The following GNG7 variants were observed in gnomAD, a reference collection of about 807,000 sequenced individuals.
The protein encoded by GNG7 is guanine nucleotide-binding protein G(I)/G(S)/G(O) subunit gamma-7.
Under a neutral mutation model 4.0 loss-of-function variants are expected in GNG7, and 1 was observed. That is an observed-to-expected ratio of 0.25 (90% confidence interval 0.09 to 1.18). The LOEUF (loss-of-function observed/expected upper bound fraction) is 1.18. GNG7 is among the 50% of genes most tolerant of loss of function. The pLI, the probability that GNG7 is intolerant of heterozygous loss-of-function variation, is 0.50. For synonymous variants in GNG7, 34 were observed against 36.9 expected (o/e 0.92, Z 0.29); for missense variants, 86 against 91.9 (o/e 0.94, Z 0.26).
At chr19:2,567,437 T>C (rs1332638283) in intron 2 of GNG7, among the ~76,000 whole-genome samples, 1 of 151,588 alleles carries the variant, frequency 6.6e-6, no homozygotes, top group African/African-American at 2.4e-5. Context: ...GCGACCTCCC[T>C]GCCTCAGCCT....
rs1250581952 is a variant in GNG7 at position 2,633,487 on chromosome 19, G to GCGCACACA, written c.-78+12736_-78+12737insTGTGTGCG. Among the ~76,000 whole-genome samples, 178 of 103,784 alleles carry GCGCACACA rather than the reference G, an allele frequency of 1.7e-3. 2 individuals carry two copies. Among genetic ancestry groups the GCGCACACA allele is most frequent in the Middle Eastern group, 9.0e-3 (2 of 222 alleles). The allele number at this position is 103,784 out of a possible 152,430, so 68.1% of individuals were successfully genotyped here. A position where few individuals can be genotyped will look rare whatever the true frequency, so the allele number is the denominator to read the frequency against. The stretch of plus-strand genomic sequence containing the variant: ...TAGCAACAGGCGCGCGCGCGCGCGC[G>GCGCACACA]CACACACACACACACACACACACAC... On this transcript the variant is annotated intron_variant, in intron 2 of 4. Coordinates refer to ENST00000382159, the MANE Select transcript of GNG7 (RefSeq NM_052847.3). The surrounding 1 kb of genome is among the most constrained non-coding windows in gnomAD (Gnocchi z 5.9).
chr19:2,621,985 G>C (rs187127333), intron 2 of GNG7, among the ~76,000 whole-genome samples: 18 of 152,208 alleles, frequency 1.2e-4, no homozygotes, highest in African/African-American at 4.1e-4. Flanking sequence ...CAAGAGGCTC[G>C]TCTGCCCCTT....
chr19:2,692,955 C>T (rs151082722), intron 1 of GNG7, among the ~76,000 whole-genome samples: 1 of 151,866 alleles, frequency 6.6e-6, no homozygotes, highest in African/African-American at 2.4e-5. Context: ...CACTGCACTC[C>T]AGCCTGGGTA....
intron 3 of GNG7, among the ~76,000 whole-genome samples, chr19:2,550,012 G>A (rs748948478): frequency 1.3e-5 from 2 of 152,172 alleles, no homozygotes; most frequent in African/African-American, 2.4e-5. Context: ...CAAATCCTGG[G>A]CTGCCCCAGG....
At chr19:2,544,202 CA>C (rs1555692405) in intron 3 of GNG7, among the ~76,000 whole-genome samples, 1 of 152,134 alleles carries the variant, frequency 6.6e-6, no homozygotes, top group Non-Finnish European at 1.5e-5. Flanking sequence ...GATCCAAACC[CA>C]AACAAAATGG....
At chr19:2,661,353 A>AAAGAAAGAAAGAAAGG (rs1983172289) in intron 1 of GNG7, among the ~76,000 whole-genome samples, 1 of 147,716 alleles carries the variant, frequency 6.8e-6, no homozygotes, top group South Asian at 2.2e-4. Flanking sequence ...AGAAAGAAAG[A>AAAGAAAGAAAGAAAGG]AAGAAAGAAA....
chr19:2,685,729 G>A (rs1983854133), intron 1 of GNG7, among the ~76,000 whole-genome samples: 1 of 152,188 alleles, frequency 6.6e-6, no homozygotes, highest in Non-Finnish European at 1.5e-5. Flanking sequence ...CGTCCACTGT[G>A]TGTCAAACGT....
intron 3 of GNG7, among the ~76,000 whole-genome samples, chr19:2,541,321 A>C (rs1262413764): frequency 6.6e-6 from 1 of 152,172 alleles, no homozygotes; most frequent in African/African-American, 2.4e-5. Context: ...TAAAAAAATA[A>C]AAATAAATGT....
At chr19:2,600,320 T>C (rs1981161008) in intron 2 of GNG7, among the ~76,000 whole-genome samples, 1 of 152,052 alleles carries the variant, frequency 6.6e-6, no homozygotes, top group Non-Finnish European at 1.5e-5. Context: ...TGCAAATTTC[T>C]TTCATGTCTG....
chr19:2,586,260 C>G (rs1028519327), intron 2 of GNG7, among the ~76,000 whole-genome samples: 2 of 152,186 alleles, frequency 1.3e-5, no homozygotes, highest in African/African-American at 2.4e-5. Context: ...CAGCTTTGCC[C>G]GCCCCAGCCC....
At chr19:2,645,743 C>A (rs1047054101) in intron 2 of GNG7, among the ~76,000 whole-genome samples, 2 of 152,062 alleles carry the variant, frequency 1.3e-5, no homozygotes, top group Non-Finnish European at 2.9e-5. Context: ...GCCTTCCTTT[C>A]TACTTATTTT....
chr19:2,661,297 A>AGAGAAC (rs1983157275), intron 1 of GNG7, among the ~76,000 whole-genome samples: 1 of 41,668 alleles, frequency 2.4e-5, no homozygotes, highest in Admixed American at 2.5e-4. Flanking sequence ...AAAGAAAGAA[A>AGAGAAC]GAAAGAGAAA....
At position 2,633,479 on chromosome 19, in the gene GNG7, G is replaced by GTGCA. The variant is rs1982217034; in HGVS notation, c.-78+12744_-78+12745insTGCA. ...CGGTTGCTTAGCAACAGGCGCGCGC[G>GTGCA]CGCGCGCGCACACACACACACACAC... On this transcript the variant is annotated intron_variant, in intron 2 of 4. Coordinates refer to ENST00000382159, the MANE Select transcript of GNG7 (RefSeq NM_052847.3). This position sits in a 1 kb window ranked among gnomAD's most constrained non-coding sequence, Gnocchi z 5.9. 1.4e-5 allele frequency among the ~76,000 whole-genome samples: 1 copy of GTGCA among 73,274 alleles called. No homozygotes were observed. The highest frequency in any genetic ancestry group is 5.3e-5 in the African/African-American group (1 of 18,930). The allele number at this position is 73,274 out of a possible 152,430, so 48.1% of individuals were successfully genotyped here.
rs937374466 is a variant in GNG7 at position 2,633,539 on chromosome 19, G to T, written c.-78+12685C>A. On this transcript the variant is annotated intron_variant, in intron 2 of 4. Coordinates refer to ENST00000382159, the MANE Select transcript of GNG7 (RefSeq NM_052847.3). This position sits in a 1 kb window ranked among gnomAD's most constrained non-coding sequence, Gnocchi z 5.9. Reference sequence around the variant, plus strand: ...CACACACACACGAGAGGTGGCTGTGGTCTGCACACTGGGCTGGGGTACTCA... The same window carrying T: ...CACACACACACGAGAGGTGGCTGTGTTCTGCACACTGGGCTGGGGTACTCA... 6.6e-6 allele frequency among the ~76,000 whole-genome samples: 1 copy of T among 150,684 alleles called. No individual in the cohort carries two copies. The highest frequency in any genetic ancestry group is 2.4e-5 in the African/African-American group (1 of 40,950).
At position 2,558,279 on chromosome 19, in the gene GNG7, C is replaced by T. The variant is rs1478363136; in HGVS notation, c.-77-3091G>A. Among the ~76,000 whole-genome samples, 4 of 148,472 alleles carry T rather than the reference C, an allele frequency of 2.7e-5. No homozygotes were observed. In the Admixed American group the frequency reaches 2.7e-4, roughly 10 times the overall value. The stretch of plus-strand genomic sequence containing the variant: ...TTTTTTTGAGATAGGGTCTGTTACC[C>T]AGGCTGGAGTGCAATGGCGTGATCA... On this transcript the variant is annotated intron_variant, in intron 2 of 4. Coordinates refer to ENST00000382159, the MANE Select transcript of GNG7 (RefSeq NM_052847.3).
intron 2 of GNG7, among the ~76,000 whole-genome samples, chr19:2,600,592 C>T (rs1002175322): frequency 7.9e-5 from 12 of 151,812 alleles, no homozygotes; most frequent in African/African-American, 2.9e-4. Context: ...CTGCCTCAGC[C>T]TCCCAAGTAG....
chr19:2,516,859 G>C (rs1972743496), intron 4 of GNG7: 1 of 152,476 alleles, frequency 6.6e-6, no homozygotes, highest in South Asian at 2.1e-4. Flanking sequence ...GCCCCGGGCT[G>C]CTGCCAGCCC....
At chr19:2,644,475 T>C (rs1046998616) in intron 2 of GNG7, among the ~76,000 whole-genome samples, 3 of 150,992 alleles carry the variant, frequency 2.0e-5, no homozygotes, top group African/African-American at 7.3e-5. Context: ...CTGAGTATTA[T>C]CTGCGGCACC....
chr19:2,663,254 T>C (rs971230077), intron 1 of GNG7, among the ~76,000 whole-genome samples: 1 of 152,068 alleles, frequency 6.6e-6, no homozygotes, highest in Non-Finnish European at 1.5e-5. Context: ...TGTTGAGAGG[T>C]GAGAACTTTA....
Sources: allele counts gnomAD v4.1 joint callset (sites outside exome capture counted in the v4.1 genomes callset), GRCh38; gene constraint gnomAD v4.1.1; non-coding constraint Gnocchi (gnomAD v3.1); transcripts MANE v1.5; gene names NCBI Gene and HGNC (gene_info 2026-07-23, HGNC 2026-07-21).